The following TENM4 variants were observed in gnomAD, a reference collection of about 807,000 sequenced individuals.
The protein encoded by TENM4 is teneurin-4.
TENM4 carries 82 observed loss-of-function variants against 243.3 expected under a neutral mutation model. That is an observed-to-expected ratio of 0.34 (90% CI 0.28 to 0.40). The LOEUF is 0.40. Ranked by LOEUF, TENM4 falls within the 10% of genes least tolerant of loss-of-function variation. The pLI, the probability that TENM4 is intolerant of heterozygous loss-of-function variation, is 1.00. For synonymous variants in TENM4, 1,412 were observed against 1,456.3 expected, an observed-to-expected ratio of 0.97 and a Z score of 0.69; for missense variants, 3,138 against 3,673.3, an observed-to-expected ratio of 0.85 and a Z score of 3.77.
chr11:79,070,450 T>C (rs182156133), intron 4 of TENM4, among the ~76,000 whole-genome samples: 1 of 152,352 alleles, frequency 6.6e-6, no homozygotes, highest in African/African-American at 2.4e-5. Flanking sequence ...TTTGCATATA[T>C]TATCTTAGTA....
intron 26 of TENM4, among the ~76,000 whole-genome samples, chr11:78,711,366 C>T (rs559540458): frequency 2.6e-4 from 40 of 152,284 alleles, no homozygotes; most frequent in Non-Finnish European, 4.9e-4. Context: ...CACAACTGTG[C>T]AGCATATCCC....
chr11:79,285,506 A>C (rs1364716051), intron 2 of TENM4, among the ~76,000 whole-genome samples: 1 of 152,216 alleles, frequency 6.6e-6, no homozygotes, highest in South Asian at 2.1e-4. Context: ...TCACTGCTAG[A>C]TATATACCCC....
intron 12 of TENM4, among the ~76,000 whole-genome samples, chr11:78,822,265 C>T (rs1482432212): frequency 2.0e-5 from 3 of 152,190 alleles, no homozygotes; most frequent in African/African-American, 7.2e-5. Flanking sequence ...CCTACTCCTG[C>T]CATCCACTTG....
At chr11:79,257,527 AC>A (rs1855720317) in intron 2 of TENM4, among the ~76,000 whole-genome samples, 1 of 152,150 alleles carries the variant, frequency 6.6e-6, no homozygotes, top group South Asian at 2.1e-4. Flanking sequence ...ATACTGATCC[AC>A]TTGCTTCTTT....
chr11:78,759,396 T>C (rs1280370201), intron 18 of TENM4, among the ~76,000 whole-genome samples: 2 of 152,232 alleles, frequency 1.3e-5, no homozygotes, highest in Non-Finnish European at 2.9e-5. Flanking sequence ...TGCTCCATTA[T>C]TCAATCCCAG....
intron 3 of TENM4, among the ~76,000 whole-genome samples, chr11:79,157,994 G>T (rs560042283): frequency 6.6e-6 from 1 of 152,178 alleles, no homozygotes; most frequent in South Asian, 2.1e-4. Context: ...TCCACTACAC[G>T]TCCTACCTGC....
intron 1 of TENM4, among the ~76,000 whole-genome samples, chr11:79,311,440 C>T (rs147089254): frequency 7.2e-5 from 11 of 152,324 alleles, no homozygotes; most frequent in African/African-American, 2.6e-4. Context: ...GTGCTGGGGG[C>T]AGCTGGGGCA....
In TENM4 at chr11:78,961,983, G is replaced by C. The variant is rs115085444; in HGVS notation, c.494-58460C>G. On this transcript the variant is annotated intron_variant, in intron 6 of 33. Transcript: ENST00000278550. ...TCCAGCGGCGCCGCGGGGCAAGAGC[G>C]GGGCTGCCTGAGCCCGCGGAGCCAC... is the stretch of plus-strand genomic sequence containing the variant. 5.7e-3 allele frequency among the ~76,000 whole-genome samples: 861 copies of C among 152,226 alleles called. 11 individuals carry two copies. Among genetic ancestry groups the C allele is most frequent in the African/African-American group, 0.019 (787 of 41,544 alleles).
At chr11:79,210,901 C>T (rs896086146) in intron 3 of TENM4, among the ~76,000 whole-genome samples, 1 of 152,148 alleles carries the variant, frequency 6.6e-6, no homozygotes, top group African/African-American at 2.4e-5. Context: ...CATTTGTACA[C>T]CATCAAGAAG....
At position 79,108,851 on chromosome 11, in the gene TENM4, C is replaced by T. The variant is rs150915523; in HGVS notation, c.-65-38842G>A. Among the ~76,000 whole-genome samples, 24 of 152,272 alleles carry T rather than the reference C, an allele frequency of 1.6e-4. 3 individuals are homozygous for T. Among genetic ancestry groups the T allele is most frequent in the Admixed American group, 1.3e-3 (20 of 15,298 alleles). On this transcript the variant is annotated intron_variant, in intron 4 of 33. Coordinates refer to ENST00000278550, the MANE Select transcript of TENM4 (RefSeq NM_001098816.3). The stretch of plus-strand genomic sequence containing the variant: ...AAAATTTAGCCAAGGATCTCCTGGG[C>T]TCCTGCCCAGTTCCCTGTCTGCTTT...
At chr11:79,373,364 G>A (rs1170683241) in intron 1 of TENM4, among the ~76,000 whole-genome samples, 7 of 151,890 alleles carry the variant, frequency 4.6e-5, no homozygotes, top group African/African-American at 1.7e-4. Context: ...ATCGATAAAT[G>A]AATGAAGGTG....
At chr11:78,709,712 C>T (rs1397644915) in intron 26 of TENM4, among the ~76,000 whole-genome samples, 1 of 152,218 alleles carries the variant, frequency 6.6e-6, no homozygotes, top group East Asian at 1.9e-4. Context: ...AAACCAGAGT[C>T]TGAGAACCAC....
intron 4 of TENM4, among the ~76,000 whole-genome samples, chr11:79,112,178 A>G (rs976625480): frequency 1.3e-5 from 2 of 152,228 alleles, no homozygotes; most frequent in African/African-American, 4.8e-5. Context: ...ACGTGTGCGC[A>G]CACACACATG....
At chr11:78,951,655 G>A (rs1425354874) in intron 6 of TENM4, among the ~76,000 whole-genome samples, 13 of 152,158 alleles carry the variant, frequency 8.5e-5, no homozygotes, top group African/African-American at 2.7e-4. Context: ...TGTCTCACAT[G>A]GAGGAGAGAG....
At chr11:79,328,488 C>T (rs895018755) in intron 1 of TENM4, among the ~76,000 whole-genome samples, 13 of 152,156 alleles carry the variant, frequency 8.5e-5, no homozygotes, top group Non-Finnish European at 1.8e-4. Flanking sequence ...CCCCTCTATC[C>T]TCATGCTAAG....
At chr11:79,401,048 G>A (rs555654842) in intron 1 of TENM4, among the ~76,000 whole-genome samples, 4 of 152,294 alleles carry the variant, frequency 2.6e-5, no homozygotes, top group East Asian at 1.9e-4. Flanking sequence ...TCAAACTACC[G>A]AGTGAAAAAT....
At chr11:79,156,668 G>A (rs1258331970) in intron 3 of TENM4, among the ~76,000 whole-genome samples, 1 of 152,150 alleles carries the variant, frequency 6.6e-6, no homozygotes, top group Non-Finnish European at 1.5e-5. Flanking sequence ...CCCTGCTGGT[G>A]CAATTGTCCC....
intron 1 of TENM4, among the ~76,000 whole-genome samples, chr11:79,414,175 C>T (rs547730524): frequency 6.6e-6 from 1 of 152,054 alleles, no homozygotes; most frequent in Non-Finnish European, 1.5e-5. Context: ...CACACACACA[C>T]ACACACACGC....
chr11:79,151,498 G>T (rs981616410), intron 3 of TENM4, among the ~76,000 whole-genome samples: 6 of 152,160 alleles, frequency 3.9e-5, no homozygotes, highest in African/African-American at 1.4e-4. Flanking sequence ...AAACTTGCTA[G>T]AAGTTGTGGT....
Sources: allele counts gnomAD v4.1 joint callset (sites outside exome capture counted in the v4.1 genomes callset), GRCh38; gene constraint gnomAD v4.1.1; transcripts MANE v1.5; gene names NCBI Gene and HGNC (gene_info 2026-07-23, HGNC 2026-07-21).